The following PLXNA2 variants were observed in gnomAD, a reference collection of about 807,000 sequenced individuals.
The protein encoded by PLXNA2 is plexin-A2.
A neutral mutation model predicts 193.5 loss-of-function variants in PLXNA2; 91 were observed. The observed-to-expected ratio is 0.47, with a 90% CI of 0.40 to 0.56. PLXNA2 has a LOEUF of 0.56. PLXNA2 is among the 20% of genes least tolerant of loss of function. PLXNA2 has a pLI of 0.00. For synonymous variants in PLXNA2, 997 were observed against 1,027.3 expected (o/e 0.97, Z 0.56); for missense variants, 1,995 against 2,503.2 (o/e 0.80, Z 4.33).
intron 12 of PLXNA2, among the ~76,000 whole-genome samples, chr1:208,075,569 T>C (rs1284982494): frequency 6.6e-6 from 1 of 152,212 alleles, no homozygotes; most frequent in African/African-American, 2.4e-5. Flanking sequence ...GGAAGGTAGC[T>C]TAAGGTTATG....
intron 1 of PLXNA2, among the ~76,000 whole-genome samples, chr1:208,238,811 G>A (rs1171902740): frequency 6.6e-6 from 1 of 152,244 alleles, no homozygotes; most frequent in East Asian, 1.9e-4. Flanking sequence ...TGGGAGATGG[G>A]AAGCATGTGA....
intron 3 of PLXNA2, among the ~76,000 whole-genome samples, chr1:208,207,673 G>C (rs950353080): frequency 5.3e-5 from 8 of 152,096 alleles, no homozygotes; most frequent in Non-Finnish European, 1.5e-5. Context: ...GAGCTATGGG[G>C]CCTGGACCAT....
intron 12 of PLXNA2, among the ~76,000 whole-genome samples, chr1:208,066,181 C>T (rs1175240140): frequency 6.6e-6 from 1 of 152,160 alleles, no homozygotes; most frequent in Admixed American, 6.5e-5. Context: ...ATACTGTGGA[C>T]TAGAAGTCTA....
At chr1:208,121,840 C>T (rs1667815668) in intron 4 of PLXNA2, among the ~76,000 whole-genome samples, 1 of 152,194 alleles carries the variant, frequency 6.6e-6, no homozygotes, top group African/African-American at 2.4e-5. Context: ...CACAAACACA[C>T]ATCCATACCA....
intron 21 of PLXNA2, among the ~76,000 whole-genome samples, chr1:208,042,714 T>G (rs1664913963): frequency 6.6e-6 from 1 of 152,238 alleles, no homozygotes; most frequent in African/African-American, 2.4e-5. Context: ...TTTATTATCT[T>G]TAGTAAAACA....
intron 3 of PLXNA2, among the ~76,000 whole-genome samples, chr1:208,188,931 C>T (rs904365612): frequency 6.6e-6 from 1 of 152,100 alleles, no homozygotes; most frequent in East Asian, 1.9e-4. Flanking sequence ...TACTCCAGCC[C>T]CAGATGGGCT....
intron 4 of PLXNA2, among the ~76,000 whole-genome samples, chr1:208,106,855 C>T (rs1464285001): frequency 1.3e-5 from 2 of 152,098 alleles, no homozygotes; most frequent in Non-Finnish European, 2.9e-5. Flanking sequence ...CAGTATGTGT[C>T]CGGGCCTTAA....
In PLXNA2 at chr1:208,060,921, TTAAGAA is replaced by T; in HGVS notation, c.2587-90_2587-85del. ...ACCCTTCCCCCTCCCCCAGGGAGGT[TTAAGAA>T]CCTCCATAGGTTCTTAAATTCCTCC... On this transcript the variant is annotated intron_variant, in intron 12 of 31. Coordinates refer to ENST00000367033, the MANE Select transcript of PLXNA2 (RefSeq NM_025179.4). 3 of 1,283,124 alleles carry T rather than the reference TTAAGAA, an allele frequency of 2.3e-6. No individual in the cohort carries two copies. In the South Asian group the frequency reaches 4.0e-5, roughly 17 times the overall value. 79.5% of individuals were successfully genotyped at this position (1,283,124 alleles called of 1,614,324 possible).
At chr1:208,080,323 C>CT (rs544786677) in intron 11 of PLXNA2, among the ~76,000 whole-genome samples, 14 of 151,502 alleles carry the variant, frequency 9.2e-5, no homozygotes, top group Admixed American at 2.0e-4. Flanking sequence ...AACCCTTTGT[C>CT]TTTTTTTTTG....
intron 3 of PLXNA2, among the ~76,000 whole-genome samples, chr1:208,178,131 C>T (rs1669718314): frequency 1.3e-5 from 2 of 151,882 alleles, no homozygotes; most frequent in Non-Finnish European, 2.9e-5. Flanking sequence ...CTTTATCCTA[C>T]CGAGAGGAGA....
In PLXNA2 at chr1:208,210,367, G is replaced by A. The variant is rs201719454; in HGVS notation, c.1284C>T (p.Ser428=). 9 of 1,613,956 alleles carry A rather than the reference G, an allele frequency of 5.6e-6. No individual in the cohort carries two copies. The African/African-American group carries it at 1.2e-4, about 22-fold the overall frequency. Residue 428 remains serine, a synonymous_variant, in exon 3 of 32, where the codon AGC becomes AGT. Transcript: ENST00000367033. ...AGGCCACAGAGGTCATGCGGTCCCT[G>A]CTGGTGGTGTACAGGGTCAGGCCCT... The part of the protein sequence containing the change: ...PVEGLTLYTT[S]RDRMTSVASY...
chr1:208,186,708 A>ATTTTGTTTTTTTTTTTTTGTT (rs368056918), intron 3 of PLXNA2, among the ~76,000 whole-genome samples: 1 of 111,694 alleles, frequency 9.0e-6, no homozygotes, highest in Non-Finnish European at 2.0e-5. Flanking sequence ...TTGCAATGTT[A>ATTTTGTTTTTTTTTTTTTGTT]TTTTATTTTT....
chr1:208,160,974 T>C (rs1361823594), intron 3 of PLXNA2, among the ~76,000 whole-genome samples: 1 of 152,250 alleles, frequency 6.6e-6, no homozygotes, highest in Non-Finnish European at 1.5e-5. Flanking sequence ...CAGTTTCCCC[T>C]TTGTTATCAA....
At chr1:208,220,180 C>T (rs1671278483) in intron 1 of PLXNA2, among the ~76,000 whole-genome samples, 1 of 152,104 alleles carries the variant, frequency 6.6e-6, no homozygotes, top group African/African-American at 2.4e-5. Flanking sequence ...TAAGATCAGC[C>T]ACCTCACCTC....
At chr1:208,214,527 T>C (rs73079952) in intron 2 of PLXNA2, among the ~76,000 whole-genome samples, 2,123 of 152,334 alleles carry the variant, frequency 0.014, 54 homozygotes, top group African/African-American at 0.048. Flanking sequence ...CTTGGAATGA[T>C]GTTTTCTTGC....
At chr1:208,078,054 T>C (rs1019615636) in intron 12 of PLXNA2, among the ~76,000 whole-genome samples, 5 of 152,226 alleles carry the variant, frequency 3.3e-5, no homozygotes, top group African/African-American at 1.2e-4. Context: ...AATTTAAAAA[T>C]GGTTTTATAA....
At chr1:208,183,126 G>A (rs2102550448) in intron 3 of PLXNA2, among the ~76,000 whole-genome samples, 1 of 152,312 alleles carries the variant, frequency 6.6e-6, no homozygotes, top group Non-Finnish European at 1.5e-5. Context: ...GAAGAACAAA[G>A]GTCACAGATG....
At chr1:208,067,280 G>T (rs1379925643) in intron 12 of PLXNA2, among the ~76,000 whole-genome samples, 2 of 150,270 alleles carry the variant, frequency 1.3e-5, no homozygotes, top group East Asian at 3.9e-4. Flanking sequence ...GGAGACAGAG[G>T]TTGCAGTGAG....
intron 4 of PLXNA2, among the ~76,000 whole-genome samples, chr1:208,116,248 A>G (rs1667637087): frequency 6.6e-6 from 1 of 152,192 alleles, no homozygotes; most frequent in Non-Finnish European, 1.5e-5. Flanking sequence ...TGCCTGCCCA[A>G]TTGGCATGAG....
Sources: gnomAD v4.1 joint callset for allele counts (sites outside exome capture counted in the v4.1 genomes callset) on GRCh38, gnomAD v4.1.1 for gene constraint, MANE v1.5 for transcripts, NCBI Gene and HGNC (gene_info 2026-07-23, HGNC 2026-07-21) for gene names.